The following EPB41L5 variants were observed in gnomAD, a reference collection of about 807,000 sequenced individuals.
EPB41L5 encodes the protein erythrocyte membrane protein band 4.1 like 5.
EPB41L5 carries 55 observed loss-of-function variants against 106.6 expected under a neutral mutation model. The observed-to-expected ratio is 0.52, with a 90% CI of 0.42 to 0.65. The LOEUF is 0.65. Among genes scored for constraint, EPB41L5 ranks in the 30% least tolerant of loss-of-function variants. The pLI is 0.00. For synonymous variants in EPB41L5, 297 were observed against 306.7 expected (o/e 0.97, Z 0.33); for missense variants, 871 against 882.1 (o/e 0.99, Z 0.16).
At chr2:120,171,994 C>T (rs1687694974) in intron 24 of EPB41L5, among the ~76,000 whole-genome samples, 1 of 140,250 alleles carries the variant, frequency 7.1e-6, no homozygotes, top group Non-Finnish European at 1.5e-5. Context: ...ATCCATGCAA[C>T]AATAACAGGA....
At chr2:120,085,640 T>G (rs1266368090) in intron 10 of EPB41L5, among the ~76,000 whole-genome samples, 2 of 152,098 alleles carry the variant, frequency 1.3e-5, no homozygotes, top group Non-Finnish European at 2.9e-5. Flanking sequence ...AGGTAGTATT[T>G]CATTTAGTTT....
chr2:120,097,728 T>C (rs1683851805), intron 14 of EPB41L5, among the ~76,000 whole-genome samples: 1 of 152,198 alleles, frequency 6.6e-6, no homozygotes, highest in South Asian at 2.1e-4. Context: ...AGTTATTGTA[T>C]GTAGTCCTTT....
intron 19 of EPB41L5, among the ~76,000 whole-genome samples, chr2:120,145,539 A>G (rs1303274958): frequency 6.6e-6 from 1 of 152,210 alleles, no homozygotes; most frequent in Non-Finnish European, 1.5e-5. Flanking sequence ...GGGAAGCCTC[A>G]AGGGAATATT....
chr2:120,034,456 G>T (rs549332865), intron 2 of EPB41L5, among the ~76,000 whole-genome samples: 2 of 152,330 alleles, frequency 1.3e-5, no homozygotes, highest in East Asian at 1.9e-4. Context: ...GTACCAGATA[G>T]ATGAATTCAG....
chr2:120,171,293 A>G (rs1289103046), intron 24 of EPB41L5, among the ~76,000 whole-genome samples: 3 of 152,268 alleles, frequency 2.0e-5, no homozygotes, highest in African/African-American at 7.2e-5. Context: ...AACCCTGAAA[A>G]GGCAACGAAA....
intron 18 of EPB41L5, among the ~76,000 whole-genome samples, chr2:120,141,095 C>T (rs191270436): frequency 4.6e-5 from 7 of 152,144 alleles, no homozygotes; most frequent in African/African-American, 1.4e-4. Context: ...AGATCACATC[C>T]GGCCTGCATT....
chr2:120,132,649 T>C (rs1685754516), intron 18 of EPB41L5, among the ~76,000 whole-genome samples: 1 of 152,224 alleles, frequency 6.6e-6, no homozygotes, highest in Admixed American at 6.5e-5. Flanking sequence ...CAGAAAGGCT[T>C]TCCATTTTCT....
intron 3 of EPB41L5, among the ~76,000 whole-genome samples, chr2:120,069,521 C>G (rs1483179168): frequency 6.6e-6 from 1 of 152,156 alleles, no homozygotes; most frequent in Non-Finnish European, 1.5e-5. Flanking sequence ...AATATACATT[C>G]TTCTCATCAC....
chr2:120,070,462 G>T (rs1405348661), intron 3 of EPB41L5, among the ~76,000 whole-genome samples: 1 of 152,090 alleles, frequency 6.6e-6, no homozygotes, highest in African/African-American at 2.4e-5. Flanking sequence ...AAAGAGGGAC[G>T]CCTCCCTAAC....
At chr2:120,105,777 A>T (rs943041023) in intron 16 of EPB41L5, 2 of 985,354 alleles carry the variant, frequency 2.0e-6, no homozygotes, top group Non-Finnish European at 2.4e-6. Flanking sequence ...GACTTTACAT[A>T]GCTCAGATGA....
chr2:120,064,343 G>A (rs1445851115), intron 3 of EPB41L5, among the ~76,000 whole-genome samples: 1 of 152,190 alleles, frequency 6.6e-6, no homozygotes, highest in African/African-American at 2.4e-5. Flanking sequence ...TTGTCTTTGA[G>A]CAAGAGTAGT....
In EPB41L5 at chr2:120,175,049, G is replaced by C. The variant is rs1687874411; in HGVS notation, c.*142G>C. On this transcript the variant is annotated 3_prime_UTR_variant, in exon 25 of 25. Transcript: ENST00000263713. ...GATTTGACTTCAACTCCGTAAAAAA[G>C]ACAGCTGTATTTTCCGTCCAACTGG... The C allele has an allele frequency of 1.3e-6, 1 of 776,546 alleles. No individual in the cohort carries two copies. The highest frequency in any genetic ancestry group is 1.7e-5 in the African/African-American group (1 of 58,978). The allele number at this position is 776,546 out of a possible 1,614,324, so 48.1% of individuals were successfully genotyped here. A position where few individuals can be genotyped will look rare whatever the true frequency, so the allele number is the denominator to read the frequency against.
At chr2:120,163,977 T>G (rs1273223191) in intron 21 of EPB41L5, among the ~76,000 whole-genome samples, 1 of 105,168 alleles carries the variant, frequency 9.5e-6, no homozygotes, top group African/African-American at 3.2e-5. Flanking sequence ...TTTTTTGTAT[T>G]TACTTTTTTT....
chr2:120,100,878 C>T, intron 16 of EPB41L5, 64 bp downstream of exon 16: 1 of 1,134,274 alleles, frequency 8.8e-7, no homozygotes, highest in East Asian at 2.6e-5. Flanking sequence ...AATTCCAAGT[C>T]ATAATCTTAA....
At chr2:120,054,754 C>T (rs1156719672) in intron 3 of EPB41L5, among the ~76,000 whole-genome samples, 1 of 151,960 alleles carries the variant, frequency 6.6e-6, no homozygotes, top group East Asian at 1.9e-4. Flanking sequence ...GTTAAAATGA[C>T]TTGAAGGGTC....
intron 3 of EPB41L5, among the ~76,000 whole-genome samples, chr2:120,045,004 T>C (rs1291062553): frequency 6.6e-6 from 1 of 152,176 alleles, no homozygotes; most frequent in Non-Finnish European, 1.5e-5. Flanking sequence ...ACATAAACAA[T>C]CAGCTTGTTG....
At chr2:120,108,528 G>A (rs1034103913) in intron 16 of EPB41L5, 1 of 152,052 alleles carries the variant, frequency 6.6e-6, no homozygotes, top group Admixed American at 6.6e-5. Context: ...ATTATTAGGG[G>A]TAGAGTTAAA....
intron 9 of EPB41L5, among the ~76,000 whole-genome samples, chr2:120,077,908 T>C (rs757074451): frequency 2.0e-5 from 3 of 152,134 alleles, no homozygotes; most frequent in African/African-American, 7.2e-5. Flanking sequence ...AGGAAACTTA[T>C]AATCATTGGG....
At position 120,162,597 on chromosome 2, in the gene EPB41L5, A is replaced by G. The variant is rs72954769; in HGVS notation, c.1887+1623A>G. Among the ~76,000 whole-genome samples the G allele has an allele frequency of 5.1e-3, 780 of 152,360 alleles. 6 individuals are homozygous for G. Among genetic ancestry groups the G allele is most frequent in the African/African-American group, 0.017 (723 of 41,592 alleles). On this transcript the variant is annotated intron_variant, in intron 21 of 24. Coordinates refer to ENST00000263713, the MANE Select transcript of EPB41L5 (RefSeq NM_020909.4). ...GATGAAAATCTGAAAAGATACATTG[A>G]CTAATCATTGGAAATCATTAAGCAG...
Sources: allele counts gnomAD v4.1 joint callset (sites outside exome capture counted in the v4.1 genomes callset), GRCh38; gene constraint gnomAD v4.1.1; transcripts MANE v1.5; gene names NCBI Gene and HGNC (gene_info 2026-07-23, HGNC 2026-07-21).